Variants in NFIB observed in about 807,000 individuals in gnomAD.
The protein encoded by NFIB is nuclear factor 1 B-type.
In NFIB, 11 loss-of-function variants were observed where a neutral mutation model predicts 61.5. The ratio of observed to expected loss-of-function variants is 0.18; its 90% confidence interval spans 0.11 to 0.30. The LOEUF (loss-of-function observed/expected upper bound fraction) is 0.30, where lower values mean the gene tolerates loss of function less well. Ranked by LOEUF, NFIB falls within the 10% of genes least tolerant of loss-of-function variation. The probability of loss-of-function intolerance (pLI) is 1.00; values close to 1 mark genes in which losing one functional copy is unlikely to be tolerated. For synonymous variants in NFIB, 260 were observed against 216.5 expected (o/e 1.20, Z -1.76); for missense variants, 471 against 608.9 (o/e 0.77, Z 2.38).
intron 1 of NFIB, among the ~76,000 whole-genome samples, chr9:14,349,875 G>T (rs961651695): frequency 2.0e-5 from 3 of 152,188 alleles, no homozygotes; most frequent in Admixed American, 6.5e-5. Flanking sequence ...CTTAAAAAAA[G>T]TCATCCTGTC....
At chr9:14,225,580 G>C (rs1402393106) in intron 2 of NFIB, among the ~76,000 whole-genome samples, 1 of 150,766 alleles carries the variant, frequency 6.6e-6, no homozygotes, top group Non-Finnish European at 1.5e-5. Context: ...TTGGTTTAAT[G>C]ACTTTAGATT....
chr9:14,486,930 G>C, the NFIB span, among the ~76,000 whole-genome samples: 1 of 152,142 alleles, frequency 6.6e-6, no homozygotes, highest in Non-Finnish European at 1.5e-5. Flanking sequence ...TTACATAGGG[G>C]ATGAAGGCAG....
At chr9:14,374,803 A>C (rs2061399019) in intron 1 of NFIB, among the ~76,000 whole-genome samples, 1 of 152,128 alleles carries the variant, frequency 6.6e-6, no homozygotes, top group Non-Finnish European at 1.5e-5. Flanking sequence ...CCAGTTACTC[A>C]GGAAGCTGAG....
intron 2 of NFIB, among the ~76,000 whole-genome samples, chr9:14,260,401 G>A (rs1229234873): frequency 2.0e-5 from 3 of 152,222 alleles, no homozygotes; most frequent in Non-Finnish European, 4.4e-5. Context: ...TTTCAGTCAT[G>A]TAAATATCCT....
chr9:14,385,584 G>A (rs1475535253), intron 1 of NFIB, among the ~76,000 whole-genome samples: 1 of 152,026 alleles, frequency 6.6e-6, no homozygotes, highest in Non-Finnish European at 1.5e-5. Context: ...TACTTAGAAG[G>A]AAGGAAAAAA....
At position 14,194,826 on chromosome 9, in the gene NFIB, G is replaced by A. The variant is rs150077959; in HGVS notation, c.563-15046C>T. Among the ~76,000 whole-genome samples the A allele has an allele frequency of 3.0e-3, 454 of 152,188 alleles. 4 individuals carry two copies. The highest frequency in any genetic ancestry group is 0.01 in the African/African-American group (421 of 41,524). ...CAATGTATTTGAAGGTCTGTTTGGA[G>A]CCAATTTACACAAAATATCCACTTA... On this transcript the variant is annotated intron_variant, in intron 2 of 10. Transcript: ENST00000380953.
upstream of NFIB, among the ~76,000 whole-genome samples, chr9:14,315,673 G>T (rs2060514077): frequency 6.7e-6 from 1 of 150,160 alleles, no homozygotes; most frequent in Non-Finnish European, 1.5e-5. Context: ...TGCAGGCTCC[G>T]AGTGAATGAA....
chr9:14,525,426 C>T, the NFIB span, among the ~76,000 whole-genome samples: 2 of 152,148 alleles, frequency 1.3e-5, no homozygotes, highest in South Asian at 4.1e-4. Flanking sequence ...AGTTGCTTAA[C>T]CTTGAAGTCG....
chr9:14,445,330 G>A, the NFIB span, among the ~76,000 whole-genome samples: 2 of 151,678 alleles, frequency 1.3e-5, no homozygotes, highest in Non-Finnish European at 2.9e-5. Context: ...TACAGTACAA[G>A]TTTGAAGGAA....
At chr9:14,310,068 G>T (rs2060210855) in intron 1 of NFIB, among the ~76,000 whole-genome samples, 1 of 152,110 alleles carries the variant, frequency 6.6e-6, no homozygotes, top group Non-Finnish European at 1.5e-5. Flanking sequence ...GATTAAATTT[G>T]AGTTTCAATA....
At chr9:14,184,140 T>C (rs1024260099) in intron 2 of NFIB, among the ~76,000 whole-genome samples, 30 of 152,290 alleles carry the variant, frequency 2.0e-4, no homozygotes, top group African/African-American at 7.2e-4. Flanking sequence ...CCCAATTTTA[T>C]GGAAGATCCT....
chr9:14,289,548 T>C (rs1448430138), intron 2 of NFIB, among the ~76,000 whole-genome samples: 1 of 150,250 alleles, frequency 6.7e-6, no homozygotes, highest in South Asian at 2.1e-4. Flanking sequence ...CATATAGATA[T>C]AGATAGATAG....
At chr9:14,494,491 CCTGGA>C in the NFIB span, among the ~76,000 whole-genome samples, 1 of 152,172 alleles carries the variant, frequency 6.6e-6, no homozygotes, top group Admixed American at 6.5e-5. Flanking sequence ...TCCTTCTTAG[CCTGGA>C]CTGGCTTCCT....
intron 1 of NFIB, among the ~76,000 whole-genome samples, chr9:14,384,438 C>A (rs2061526101): frequency 6.6e-6 from 1 of 152,192 alleles, no homozygotes. Flanking sequence ...CACTTTCGAA[C>A]CTTTCCAAAC....
Position 14,308,470 on chromosome 9 carries a change from C to T in NFIB, c.31-950G>A, listed in dbSNP as rs369608869. 5.3e-5 allele frequency among the ~76,000 whole-genome samples: 8 copies of T among 152,164 alleles called. No individual in the cohort carries two copies. In the East Asian group the frequency reaches 9.6e-4, roughly 18 times the overall value. ...ATAGAATATGCAGCCCCACAGAGTC[C>T]GTTAATTTGTTCACCGATCACATGA... On this transcript the variant is annotated intron_variant, in intron 1 of 10. Transcript: ENST00000380953.
chr9:14,441,360 C>T, the NFIB span, among the ~76,000 whole-genome samples: 1 of 152,072 alleles, frequency 6.6e-6, no homozygotes, highest in Non-Finnish European at 1.5e-5. Context: ...TGGGTCTGCG[C>T]CGATTTTAAT....
At chr9:14,375,162 T>G (rs1449464945) in intron 1 of NFIB, among the ~76,000 whole-genome samples, 1 of 152,222 alleles carries the variant, frequency 6.6e-6, no homozygotes, top group Non-Finnish European at 1.5e-5. Context: ...ACTCTACCTC[T>G]GGATGCACAG....
chr9:14,175,357 G>C (rs1291928716), intron 3 of NFIB, among the ~76,000 whole-genome samples: 1 of 151,542 alleles, frequency 6.6e-6, no homozygotes, highest in Admixed American at 6.6e-5. Context: ...TGTATTTTTA[G>C]TAGAGACGGG....
intron 2 of NFIB, among the ~76,000 whole-genome samples, chr9:14,212,546 T>C (rs924199341): frequency 6.6e-5 from 10 of 152,094 alleles, no homozygotes; most frequent in African/African-American, 2.4e-4. Context: ...GAATTTCTAA[T>C]AAAATTGTCC....
Sources: gnomAD v4.1 joint callset for allele counts (sites outside exome capture counted in the v4.1 genomes callset) on GRCh38, gnomAD v4.1.1 for gene constraint, MANE v1.5 for transcripts, NCBI Gene and HGNC (gene_info 2026-07-23, HGNC 2026-07-21) for gene names.